The following P2RY12 variants were observed in gnomAD, a reference collection of about 807,000 sequenced individuals.
P2RY12 encodes P2Y purinoceptor 12.
Under a neutral mutation model 4.5 loss-of-function variants are expected in P2RY12, and 3 were observed. The ratio of observed to expected loss-of-function variants is 0.67; its 90% CI spans 0.31 to 1.74. The LOEUF (loss-of-function observed/expected upper bound fraction) is 1.74, where lower values mean the gene tolerates loss of function less well. Among genes scored for constraint, P2RY12 ranks in the 40% most tolerant of loss-of-function variants. P2RY12 has a pLI of 0.09. For synonymous variants in P2RY12, 148 were observed against 154.1 expected (o/e 0.96, Z 0.29); for missense variants, 356 against 407.8 (o/e 0.87, Z 1.09).
intron 1 of P2RY12, among the ~76,000 whole-genome samples, chr3:151,382,050 C>G (rs1327285015): frequency 1.3e-5 from 2 of 152,122 alleles, no homozygotes; most frequent in Non-Finnish European, 2.9e-5. Flanking sequence ...TTGTGGCTCC[C>G]TTTCCTAAGC....
intron 1 of P2RY12, among the ~76,000 whole-genome samples, chr3:151,367,375 A>G (rs1187155003): frequency 6.6e-6 from 1 of 152,042 alleles, no homozygotes; most frequent in Non-Finnish European, 1.5e-5. Flanking sequence ...CTGATTTTCC[A>G]TTTTTGTTGT....
chr3:151,377,961 G>T, intron 1 of P2RY12: 1 of 1,505,530 alleles, frequency 6.6e-7, no homozygotes, highest in South Asian at 1.3e-5. Flanking sequence ...ATAACTGTGA[G>T]AGCAGGGGAA....
intron 1 of P2RY12, among the ~76,000 whole-genome samples, chr3:151,379,156 G>T (rs957897400): frequency 6.6e-6 from 1 of 152,132 alleles, no homozygotes; most frequent in Non-Finnish European, 1.5e-5. Context: ...TACCATGTTG[G>T]CCAGGATTAA....
chr3:151,377,746 AG>A (rs753019240), intron 1 of P2RY12, among the ~76,000 whole-genome samples: 1 of 152,144 alleles, frequency 6.6e-6, no homozygotes, highest in Non-Finnish European at 1.5e-5. Context: ...AATTAGAGAG[AG>A]GGGGTCATCG....
intron 1 of P2RY12, chr3:151,360,429 T>C: frequency 6.3e-7 from 1 of 1,582,762 alleles, no homozygotes; most frequent in Non-Finnish European, 8.6e-7. Context: ...ATAACCCACA[T>C]AGTACAAATC....
chr3:151,378,267 T>C (rs1711577170), intron 1 of P2RY12: 2 of 1,221,542 alleles, frequency 1.6e-6, no homozygotes, highest in South Asian at 2.1e-5. Context: ...GTACCCACAG[T>C]CCACTGAAAT....
intron 1 of P2RY12, among the ~76,000 whole-genome samples, chr3:151,379,884 G>A (rs966217518): frequency 1.3e-5 from 2 of 152,158 alleles, no homozygotes; most frequent in Admixed American, 1.3e-4. Context: ...ATGGTTTGAT[G>A]CTAGTTTGAG....
At chr3:151,380,202 C>T in intron 1 of P2RY12, 1 of 1,606,548 alleles carries the variant, frequency 6.2e-7, no homozygotes. Context: ...CTCCTAACAT[C>T]TCTCCAGAAT....
chr3:151,337,657 A>G lies in P2RY12; in HGVS notation c.*160T>C, dbSNP rs952328673. 1.4e-6 allele frequency: 1 copy of G among 695,922 alleles called. No individual in the cohort carries two copies. Among genetic ancestry groups the G allele is most frequent in the African/African-American group, 1.8e-5 (1 of 55,546 alleles). The allele number at this position is 695,922 out of a possible 1,614,324, so 43.1% of individuals were successfully genotyped here. A position where few individuals can be genotyped will look rare whatever the true frequency, so the allele number is the denominator to read the frequency against. The stretch of plus-strand genomic sequence containing the variant: ...TCTATATTTTAAGATAGCTTTTCAT[A>G]CTGGAAAGGTAAATGAAAATTGCTT... On this transcript the variant is annotated 3_prime_UTR_variant, in exon 3 of 3. Coordinates refer to ENST00000302632, the MANE Select transcript of P2RY12 (RefSeq NM_022788.5).
intron 1 of P2RY12, among the ~76,000 whole-genome samples, chr3:151,368,562 T>G (rs746574005): frequency 6.6e-6 from 1 of 151,854 alleles, no homozygotes; most frequent in Admixed American, 6.6e-5. Context: ...CTGAACCACA[T>G]CACAGCAGCT....
chr3:151,381,077 A>G (rs984410937), intron 1 of P2RY12, among the ~76,000 whole-genome samples: 7 of 152,242 alleles, frequency 4.6e-5, no homozygotes, highest in African/African-American at 1.7e-4. Flanking sequence ...TCTATGTACT[A>G]TAAGGAAACT....
chr3:151,362,581 C>T (rs1308434763), intron 1 of P2RY12, among the ~76,000 whole-genome samples: 1 of 152,232 alleles, frequency 6.6e-6, no homozygotes. Flanking sequence ...TTGCTACCCC[C>T]ACTGTAGATT....
intron 1 of P2RY12, among the ~76,000 whole-genome samples, chr3:151,348,143 A>G (rs1422008268): frequency 6.6e-6 from 1 of 152,116 alleles, no homozygotes; most frequent in Admixed American, 6.5e-5. Flanking sequence ...CCTCAAATAG[A>G]TATTCTATAA....
At chr3:151,377,772 C>G (rs1440425773) in intron 1 of P2RY12, among the ~76,000 whole-genome samples, 3 of 152,126 alleles carry the variant, frequency 2.0e-5, no homozygotes, top group Non-Finnish European at 4.4e-5. Flanking sequence ...ACATTAAAGT[C>G]AGTTTAGTTA....
In P2RY12 at chr3:151,340,402, T is replaced by C. The variant is rs1419376246; in HGVS notation, c.-15+194A>G. 2.0e-5 allele frequency among the ~76,000 whole-genome samples: 3 copies of C among 152,182 alleles called. No individual in the cohort carries two copies. In the East Asian group the frequency reaches 5.8e-4, roughly 29 times the overall value. ...CTATGCTTTGTATAATTTTTCTTAA[T>C]AAAGAGGCTAATTAACAATTGTCTC... On this transcript the variant is annotated intron_variant, in intron 2 of 2. Coordinates refer to ENST00000302632, the MANE Select transcript of P2RY12 (RefSeq NM_022788.5).
At chr3:151,346,427 C>G (rs1752544630) in intron 1 of P2RY12, among the ~76,000 whole-genome samples, 1 of 152,080 alleles carries the variant, frequency 6.6e-6, no homozygotes, top group South Asian at 2.1e-4. Context: ...GGGTCACTTC[C>G]CTATCTTCAC....
chr3:151,362,759 T>G (rs1754772727), intron 1 of P2RY12, among the ~76,000 whole-genome samples: 1 of 152,226 alleles, frequency 6.6e-6, no homozygotes, highest in South Asian at 2.1e-4. Context: ...AGACAATTCA[T>G]GTTTTTAATG....
intron 1 of P2RY12, among the ~76,000 whole-genome samples, chr3:151,348,913 A>G (rs547237223): frequency 4.8e-4 from 73 of 152,336 alleles, no homozygotes; most frequent in South Asian, 2.1e-3. Context: ...TGTTGCTGCC[A>G]CTGCTAATTA....
At chr3:151,358,924 A>G (rs1290800605) in intron 1 of P2RY12, among the ~76,000 whole-genome samples, 3 of 152,168 alleles carry the variant, frequency 2.0e-5, no homozygotes, top group Non-Finnish European at 4.4e-5. Context: ...TTTATAGATA[A>G]TATCAGGATT....
Sources: allele counts gnomAD v4.1 joint callset (sites outside exome capture counted in the v4.1 genomes callset), GRCh38; gene constraint gnomAD v4.1.1; transcripts MANE v1.5; gene names NCBI Gene and HGNC (gene_info 2026-07-23, HGNC 2026-07-21).